The following KRR1 variants were observed in gnomAD, a reference collection of about 807,000 sequenced individuals.
KRR1 encodes the protein KRR1 small subunit processome component homolog.
Under a neutral mutation model 50.0 loss-of-function variants are expected in KRR1, and 23 were observed. That is an observed-to-expected ratio of 0.46 (90% CI 0.33 to 0.65). KRR1 has a LOEUF of 0.65. Among genes scored for constraint, KRR1 ranks in the 30% least tolerant of loss-of-function variants. The pLI, the probability that KRR1 is intolerant of heterozygous loss-of-function variation, is 0.02. For missense variants in KRR1, 419 were observed against 442.4 expected, an observed-to-expected ratio of 0.95 and a Z score of 0.47; for synonymous variants, 133 against 146.3, an observed-to-expected ratio of 0.91 and a Z score of 0.66.
At position 75,511,517 on chromosome 12, in the gene KRR1, G is replaced by C; in HGVS notation, c.81C>G (p.Asn27Lys). The C allele has an allele frequency of 4.3e-6, 7 of 1,613,972 alleles. No homozygotes were observed. The highest frequency in any genetic ancestry group is 5.9e-6 in the Non-Finnish European group (7 of 1,179,856). Residue 27 changes from asparagine to lysine, a missense_variant, in exon 1 of 10, where the codon AAC (asparagine) becomes AAG (lysine). Coordinates refer to ENST00000229214, the MANE Select transcript of KRR1 (RefSeq NM_007043.7). ...TCGGTTCCCACATAACATCACCTTG[G>C]TTCTCCGGCTTCGGCTTCTGGTTAC... ...EFRNQKPKPE[N>K]QDESELLTVP...
At position 75,491,341 on chromosome 12, in the gene KRR1, A is replaced by C. The variant is rs532686349; in HGVS notation, c.*8468T>G. 1 of 152,220 alleles carries C rather than the reference A, an allele frequency of 6.6e-6. No homozygotes were observed. The highest frequency in any genetic ancestry group is 1.5e-5 in the Non-Finnish European group (1 of 68,040). The allele number at this position is 152,220 out of a possible 1,614,324, so 9.4% of individuals were successfully genotyped here. On this transcript the variant is annotated 3_prime_UTR_variant, in exon 10 of 10. Transcript: ENST00000229214. ...GTCAGCAACCTGCCCAAAGTTCTAC[A>C]GTTAGTGACTATCACTGATGGACTT...
Position 75,504,044 on chromosome 12 carries a change from C to A in KRR1, c.691G>T (p.Asp231Tyr), listed in dbSNP as rs1363642515. The change falls in exon 7 of 10, where the codon GAT becomes TAT. Residue 231 changes from aspartate to tyrosine, a missense_variant. Physicochemically the swap from Asp to Tyr is radical, Grantham distance 160. Transcript: ENST00000229214. The stretch of plus-strand genomic sequence containing the variant: ...CAACTTTGTGATCGTAATTCAGAAT[C>A]TTTTGCCAACTCTCTCTTAATCATT... ...SLMIKRELAK[D>Y]SELRSQSWER... 2 of 1,611,656 alleles carry A rather than the reference C, an allele frequency of 1.2e-6. No individual in the cohort carries two copies. Among genetic ancestry groups the A allele is most frequent in the Non-Finnish European group, 1.7e-6 (2 of 1,178,474 alleles).
At chr12:75,507,099 C>T (rs764361879) in intron 2 of KRR1, among the ~76,000 whole-genome samples, 183 bp from the exon 3 acceptor site, 24 of 152,132 alleles carry the variant, frequency 1.6e-4, no homozygotes, top group Non-Finnish European at 2.8e-4. Context: ...ACTTTACAGA[C>T]TATAAGAAAC....
In KRR1 at chr12:75,498,662, A is replaced by ATT; in HGVS notation, c.*1145_*1146dup. The ATT allele has an allele frequency of 6.3e-7, 1 of 1,585,710 alleles. No individual in the cohort carries two copies. Among genetic ancestry groups the ATT allele is most frequent in the Non-Finnish European group, 8.7e-7 (1 of 1,154,718 alleles). On this transcript the variant is annotated 3_prime_UTR_variant, in exon 10 of 10. Coordinates refer to ENST00000229214, the MANE Select transcript of KRR1 (RefSeq NM_007043.7). The stretch of plus-strand genomic sequence containing the variant: ...ACTCTCAACTGTGTCTACCCTTTTA[A>ATT]TTTTTTTTCTTTCTTCCCCCTAACT...
At chr12:75,501,631 G>C (rs2046394608) in intron 9 of KRR1, 92 bp downstream of exon 9, 1 of 796,498 alleles carries the variant, frequency 1.3e-6, no homozygotes, top group Non-Finnish European at 2.1e-6. Context: ...CTGATGAAAA[G>C]ATACAACTGT....
intron 6 of KRR1, among the ~76,000 whole-genome samples, chr12:75,504,648 C>G (rs2046413911): frequency 6.6e-6 from 1 of 152,022 alleles, no homozygotes; most frequent in Non-Finnish European, 1.5e-5. Context: ...TTAAGTTCAT[C>G]AAATTTAAGT....
At chr12:75,508,092 A>G (rs1218277923) in intron 2 of KRR1, among the ~76,000 whole-genome samples, 182 bp downstream of exon 2, 2 of 152,232 alleles carry the variant, frequency 1.3e-5, no homozygotes, top group African/African-American at 4.8e-5. Context: ...TCATAAAATT[A>G]AAACAAATGA....
chr12:75,510,514 G>A (rs1415785530), intron 1 of KRR1, among the ~76,000 whole-genome samples: 1 of 152,020 alleles, frequency 6.6e-6, no homozygotes, highest in Non-Finnish European at 1.5e-5. Context: ...AATCTAAGAA[G>A]ACACAGAAAA....
At chr12:75,501,511 G>A in intron 9 of KRR1, 2 of 522,258 alleles carry the variant, frequency 3.8e-6, no homozygotes, top group South Asian at 5.2e-5. Flanking sequence ...GGTCAGGAGA[G>A]GACTGTCAAT....
In KRR1 at chr12:75,494,701, G is replaced by A. The variant is rs2046340374; in HGVS notation, c.*5108C>T. 1 of 152,136 alleles carries A rather than the reference G, an allele frequency of 6.6e-6. No homozygotes were observed. The highest frequency in any genetic ancestry group is 1.5e-5 in the Non-Finnish European group (1 of 68,014). 9.4% of individuals were successfully genotyped at this position (152,136 alleles called of 1,614,324 possible). On this transcript the variant is annotated 3_prime_UTR_variant, in exon 10 of 10. Coordinates refer to ENST00000229214, the MANE Select transcript of KRR1 (RefSeq NM_007043.7). ...AAGTTTAGAACTTTTTCCAAAAGCA[G>A]AGTTCCAAAAAAAATTAGTGCAATG...
rs1200863549 is a variant in KRR1, at chr12:75,492,496, T to TACCC, written c.*7312_*7313insGGGT. 2 of 152,206 alleles carry TACCC rather than the reference T, an allele frequency of 1.3e-5. No homozygotes were observed. Among genetic ancestry groups the TACCC allele is most frequent in the Non-Finnish European group, 2.9e-5 (2 of 68,040 alleles). The allele number at this position is 152,206 out of a possible 1,614,324, so 9.4% of individuals were successfully genotyped here. A position where few individuals can be genotyped will look rare whatever the true frequency, so the allele number is the denominator to read the frequency against. ...GATCAGGGTTACAGGACCCATCACT[T>TACCC]AGAGTAGCTATGAAAGTGACAAGAG... is the stretch of plus-strand genomic sequence containing the variant. On this transcript the variant is annotated 3_prime_UTR_variant, in exon 10 of 10. Coordinates refer to ENST00000229214, the MANE Select transcript of KRR1 (RefSeq NM_007043.7).
In KRR1 at chr12:75,493,726, T is replaced by A. The variant is rs145136798; in HGVS notation, c.*6083A>T. On this transcript the variant is annotated 3_prime_UTR_variant, in exon 10 of 10. Coordinates refer to ENST00000229214, the MANE Select transcript of KRR1 (RefSeq NM_007043.7). ...GGCTACCAGGGAAAACATTGAAATG[T>A]CCTGTTGCTTTATTGTGCTGAATAC... 6.6e-6 allele frequency: 1 copy of A among 152,210 alleles called. No individual in the cohort carries two copies. The highest frequency in any genetic ancestry group is 1.5e-5 in the Non-Finnish European group (1 of 68,062). 9.4% of individuals were successfully genotyped at this position (152,210 alleles called of 1,614,324 possible).
intron 7 of KRR1, 150 bp downstream of exon 7, chr12:75,503,754 A>C: frequency 4.6e-6 from 3 of 648,410 alleles, no homozygotes. Flanking sequence ...ATGCCTATTT[A>C]TATTTACCCT....
At position 75,506,810 on chromosome 12, in the gene KRR1, A is replaced by T. The variant is rs2046424624; in HGVS notation, c.365T>A (p.Leu122Gln). ...TTCAAATGAAACACTCCTTGCTAACAGTTTTATCAGATCTCTGGCCCTAAT... is the reference window on the plus strand; with the variant it reads ...TTCAAATGAAACACTCCTTGCTAACTGTTTTATCAGATCTCTGGCCCTAAT... Reference protein sequence around the residue: ...IIIRARDLIKLLARSVSFEQA... With the variant: ...IIIRARDLIKQLARSVSFEQA... Residue 122 changes from leucine (L) to glutamine (Q), a missense_variant, in exon 3 of 10, where the codon CTG becomes CAG. Coordinates refer to ENST00000229214, the MANE Select transcript of KRR1 (RefSeq NM_007043.7). 2 of 1,611,246 alleles carry T rather than the reference A, an allele frequency of 1.2e-6. No homozygotes were observed. Among genetic ancestry groups the T allele is most frequent in the Non-Finnish European group, 1.7e-6 (2 of 1,179,014 alleles).
Position 75,506,762 on chromosome 12 carries a change from C to A in KRR1, c.393+20G>T. On this transcript the variant is annotated intron_variant, in intron 3 of 9. Transcript: ENST00000229214. ...AACACTGATGCAAACAAAGCAAAGT[C>A]TCTGTAATTCTAGATTTACCTGTTC... is the stretch of plus-strand genomic sequence containing the variant. 6.3e-7 allele frequency: 1 copy of A among 1,598,580 alleles called. No individual in the cohort carries two copies. Among genetic ancestry groups the A allele is most frequent in the Non-Finnish European group, 8.5e-7 (1 of 1,175,720 alleles).
chr12:75,495,950 CA>C lies in KRR1; in HGVS notation c.*3858del. 1 of 186,304 alleles carries C rather than the reference CA, an allele frequency of 5.4e-6. No individual in the cohort carries two copies. Among genetic ancestry groups the C allele is most frequent in the Non-Finnish European group, 1.1e-5 (1 of 92,358 alleles). The allele number at this position is 186,304 out of a possible 1,614,324, so 11.5% of individuals were successfully genotyped here. On this transcript the variant is annotated 3_prime_UTR_variant, in exon 10 of 10. Coordinates refer to ENST00000229214, the MANE Select transcript of KRR1 (RefSeq NM_007043.7). ...TAAGATTTGCTTATTTCAGCAAGAT[CA>C]AAAATAAGTATAACAGGTCATCCAA...
intron 7 of KRR1, 109 bp downstream of exon 7, chr12:75,503,795 C>A (rs559967256): frequency 2.2e-5 from 21 of 957,990 alleles, no homozygotes; most frequent in East Asian, 1.2e-4. Flanking sequence ...CACACACACA[C>A]AATATATATA....
rs1381902252 is a variant in KRR1 at position 75,496,747 on chromosome 12, A to G, written c.*3062T>C. The G allele has an allele frequency of 1.3e-5, 2 of 152,196 alleles. No individual in the cohort carries two copies. The highest frequency in any genetic ancestry group is 3.2e-3 in the Middle Eastern group (1 of 316). The allele number at this position is 152,196 out of a possible 1,614,324, so 9.4% of individuals were successfully genotyped here. ...CACTGCACGAAATTTAGTTTGGAAAAAAGTGTTCCATTGCTCATGTTTTAT... is the reference window on the plus strand; with the variant it reads ...CACTGCACGAAATTTAGTTTGGAAAGAAGTGTTCCATTGCTCATGTTTTAT... On this transcript the variant is annotated 3_prime_UTR_variant, in exon 10 of 10. Coordinates refer to ENST00000229214, the MANE Select transcript of KRR1 (RefSeq NM_007043.7).
rs1566101720 is a variant in KRR1, at chr12:75,498,995, A to AAAAACC, written c.*808_*813dup. ...TTGGACTAATACAATTCAGGAAAGA[A>AAAAACC]AAAACCCAAAAACCAACCTCATTCA... On this transcript the variant is annotated 3_prime_UTR_variant, in exon 10 of 10. Transcript: ENST00000229214. 2.0e-6 allele frequency: 3 copies of AAAAACC among 1,515,116 alleles called. No homozygotes were observed. The South Asian group carries it at 3.9e-5, about 20-fold the overall frequency. The allele number at this position is 1,515,116 out of a possible 1,614,324, so 93.9% of individuals were successfully genotyped here.
Sources: gnomAD v4.1 joint callset for allele counts (sites outside exome capture counted in the v4.1 genomes callset) on GRCh38, gnomAD v4.1.1 for gene constraint, MANE v1.5 for transcripts, NCBI Gene and HGNC (gene_info 2026-07-23, HGNC 2026-07-21) for gene names.